Variants in SEPTIN14 observed in about 807,000 individuals in gnomAD.
SEPTIN14 encodes septin-14.
In SEPTIN14, 40 loss-of-function variants were observed where a neutral mutation model predicts 53.6. The ratio of observed to expected loss-of-function variants is 0.75; its 90% CI spans 0.58 to 0.97. SEPTIN14 has a LOEUF of 0.97. Ranked by LOEUF, SEPTIN14 falls within the 50% of genes least tolerant of loss-of-function variation. The pLI is 0.00. For synonymous variants in SEPTIN14, 138 were observed against 166.8 expected, an observed-to-expected ratio of 0.83 and a Z score of 1.33; for missense variants, 471 against 508.2, an observed-to-expected ratio of 0.93 and a Z score of 0.70.
At chr7:55,810,036 G>A (rs931158282) in intron 7 of SEPTIN14, among the ~76,000 whole-genome samples, 21 of 151,658 alleles carry the variant, frequency 1.4e-4, no homozygotes, top group African/African-American at 2.9e-4. Context: ...GTTTCACCGC[G>A]TTAGCCAGGA....
At chr7:55,822,679 G>A (rs1335032920) in intron 6 of SEPTIN14, among the ~76,000 whole-genome samples, 1 of 151,996 alleles carries the variant, frequency 6.6e-6, no homozygotes, top group Non-Finnish European at 1.5e-5. Flanking sequence ...AACAGTGCTG[G>A]AACTGAATAC....
intron 7 of SEPTIN14, among the ~76,000 whole-genome samples, chr7:55,817,323 A>T (rs1012108210): frequency 3.3e-5 from 5 of 152,108 alleles, no homozygotes; most frequent in Admixed American, 2.0e-4. Context: ...AGAAACAGAG[A>T]GTAGAATGGT....
intron 3 of SEPTIN14, among the ~76,000 whole-genome samples, chr7:55,846,072 T>TATATATATATATATATATATAC (rs1562718632): frequency 7.7e-5 from 8 of 104,192 alleles, no homozygotes; most frequent in African/African-American, 2.6e-4. Context: ...AAAGTATATA[T>TATATATATATATATATATATAC]ATATATATAT....
chr7:55,843,781 G>A lies in SEPTIN14; in HGVS notation c.372-653C>T, dbSNP rs552217874. On this transcript the variant is annotated intron_variant, in intron 4 of 9. Transcript: ENST00000388975. ...CAGGAGACAAAGCTTACAGTGAGCC[G>A]AGATCGCGCCACTGCGCTCTAGCCT... Among the ~76,000 whole-genome samples, 204 of 152,278 alleles carry A rather than the reference G, an allele frequency of 1.3e-3. 1 individual carries two copies. The highest frequency in any genetic ancestry group is 6.8e-3 in the Middle Eastern group (2 of 294).
rs572743687 is a variant in SEPTIN14 at position 55,793,855 on chromosome 7, C to A, written c.*2058G>T. 3.5e-4 allele frequency: 53 copies of A among 152,006 alleles called. No homozygotes were observed. Among genetic ancestry groups the A allele is most frequent in the African/African-American group, 1.2e-3 (50 of 41,488 alleles). 9.4% of individuals were successfully genotyped at this position (152,006 alleles called of 1,614,324 possible). A position where few individuals can be genotyped will look rare whatever the true frequency, so the allele number is the denominator to read the frequency against. ...CAAAACTTGTCACTACAAAAAAAAT[C>A]AACTAAAGATAAAAGAAGTAAATAA... On this transcript the variant is annotated 3_prime_UTR_variant, in exon 10 of 10. Coordinates refer to ENST00000388975, the MANE Select transcript of SEPTIN14 (RefSeq NM_207366.3).
At chr7:55,796,247 A>G (rs1788430415) in intron 9 of SEPTIN14, among the ~76,000 whole-genome samples, 155 bp from the exon 10 acceptor site, 1 of 152,110 alleles carries the variant, frequency 6.6e-6, no homozygotes, top group African/African-American at 2.4e-5. Flanking sequence ...ACACTGAGAT[A>G]TGGAATTTTT....
At chr7:55,859,746 G>T (rs905125179) in intron 2 of SEPTIN14, among the ~76,000 whole-genome samples, 5 of 151,490 alleles carry the variant, frequency 3.3e-5, no homozygotes, top group African/African-American at 9.7e-5. Context: ...TATACCCAAA[G>T]GAAAAAAAAT....
intron 6 of SEPTIN14, among the ~76,000 whole-genome samples, chr7:55,830,349 A>ATATATTTTTTTTTTTTTTTTTTTT (rs71015108): frequency 1.4e-4 from 8 of 56,842 alleles, no homozygotes; most frequent in African/African-American, 3.0e-4. Context: ...ATATATATAT[A>ATATATTTTTTTTTTTTTTTTTTTT]TTTTTTTTTT....
chr7:55,798,623 G>GT (rs1325322317), intron 9 of SEPTIN14: 8 of 358,608 alleles, frequency 2.2e-5, no homozygotes, highest in South Asian at 9.7e-5. Context: ...CCGGCAGCCC[G>GT]TGAGTGGCAC....
chr7:55,820,831 T>C (rs1306790029), intron 6 of SEPTIN14, among the ~76,000 whole-genome samples: 1 of 151,944 alleles, frequency 6.6e-6, no homozygotes, highest in African/African-American at 2.4e-5. Context: ...TCCCAGCTAC[T>C]TGGGAGGCTG....
chr7:55,857,204 C>T (rs1322424802), intron 2 of SEPTIN14, among the ~76,000 whole-genome samples: 1 of 149,738 alleles, frequency 6.7e-6, no homozygotes, highest in Non-Finnish European at 1.5e-5. Context: ...GAAACCCCGT[C>T]TCTAATAAAA....
chr7:55,845,437 T>A (rs1014263478), intron 3 of SEPTIN14, among the ~76,000 whole-genome samples: 7 of 152,186 alleles, frequency 4.6e-5, no homozygotes, highest in Non-Finnish European at 1.0e-4. Context: ...CCATCATCCT[T>A]AGCAAACAGT....
intron 6 of SEPTIN14, among the ~76,000 whole-genome samples, chr7:55,825,338 GA>G (rs1156821717): frequency 6.6e-6 from 1 of 152,190 alleles, no homozygotes; most frequent in East Asian, 1.9e-4. Flanking sequence ...AGGGTAAAGG[GA>G]AAAGAGGGAG....
chr7:55,854,385 A>G (rs1484109972), intron 2 of SEPTIN14, among the ~76,000 whole-genome samples: 1 of 152,180 alleles, frequency 6.6e-6, no homozygotes, highest in East Asian at 1.9e-4. Context: ...CAAGATTGAA[A>G]ATAAAGCAGA....
chr7:55,808,225 A>G (rs372534434), intron 7 of SEPTIN14, among the ~76,000 whole-genome samples: 5 of 152,302 alleles, frequency 3.3e-5, no homozygotes, highest in African/African-American at 1.2e-4. Context: ...AACAAACACA[A>G]GACATTCTTC....
intron 2 of SEPTIN14, among the ~76,000 whole-genome samples, chr7:55,855,364 T>C (rs775268481): frequency 3.9e-5 from 6 of 152,050 alleles, no homozygotes; most frequent in Non-Finnish European, 8.8e-5. Flanking sequence ...CGACCAATTG[T>C]TCCAGAATCG....
chr7:55,796,010 C>T lies in SEPTIN14; in HGVS notation c.1202G>A (p.Gly401Glu), dbSNP rs1337585912. 1.3e-6 allele frequency: 2 copies of T among 1,561,644 alleles called. No individual in the cohort carries two copies. The highest frequency in any genetic ancestry group is 2.7e-5 in the African/African-American group (2 of 74,054). Reference protein sequence around the residue: ...KLEEEKKQLEGEIIDFYKMKA... With the variant: ...KLEEEKKQLEEEIIDFYKMKA... Reference sequence around the variant, plus strand: ...CATTTTATAAAAATCTATGATTTCTCCTTCCAGTTGTTTTTTCTCTTCCTC... The same window carrying T: ...CATTTTATAAAAATCTATGATTTCTTCTTCCAGTTGTTTTTTCTCTTCCTC... The change falls in exon 10 of 10, where the codon GGA becomes GAA. Residue 401 changes from glycine to glutamate, a missense_variant. Physicochemically the swap from Gly to Glu is moderately conservative, Grantham distance 98. Coordinates refer to ENST00000388975, the MANE Select transcript of SEPTIN14 (RefSeq NM_207366.3).
chr7:55,845,265 T>C (rs1025567323), intron 3 of SEPTIN14, among the ~76,000 whole-genome samples: 11 of 149,152 alleles, frequency 7.4e-5, no homozygotes, highest in South Asian at 2.2e-4. Context: ...TCAGAGCTCA[T>C]TGTAGCGCTA....
chr7:55,856,625 T>A (rs953762960), intron 2 of SEPTIN14, among the ~76,000 whole-genome samples: 9 of 151,920 alleles, frequency 5.9e-5, no homozygotes, highest in African/African-American at 2.2e-4. Flanking sequence ...ACTCCTGACC[T>A]CAGGTGATCC....
Sources: gnomAD v4.1 joint callset for allele counts (sites outside exome capture counted in the v4.1 genomes callset) on GRCh38, gnomAD v4.1.1 for gene constraint, MANE v1.5 for transcripts, NCBI Gene and HGNC (gene_info 2026-07-23, HGNC 2026-07-21) for gene names.